The following TTBK1 variants were observed in gnomAD, a reference collection of about 807,000 sequenced individuals.
TTBK1 encodes tau-tubulin kinase 1.
A neutral mutation model predicts 108.5 loss-of-function variants in TTBK1; 34 were observed. The ratio of observed to expected loss-of-function variants is 0.31; its 90% CI spans 0.24 to 0.42. The LOEUF (loss-of-function observed/expected upper bound fraction) is 0.42. Among genes scored for constraint, TTBK1 ranks in the 10% least tolerant of loss-of-function variants. TTBK1 has a pLI of 1.00. For synonymous variants in TTBK1, 809 were observed against 795.1 expected, an observed-to-expected ratio of 1.02 and a Z score of -0.29; for missense variants, 1,539 against 1,826.0, an observed-to-expected ratio of 0.84 and a Z score of 2.86.
At position 43,287,586 on chromosome 6, in the gene TTBK1, G is replaced by A. The variant is rs1449924309; in HGVS notation, c.*2210G>A. ...CTCCCAACTGACCTCAGGCCTCTGA[G>A]TCACTGAATGTCACCAGGAGAGGTG... is the stretch of plus-strand genomic sequence containing the variant. On this transcript the variant is annotated 3_prime_UTR_variant, in exon 15 of 15. Coordinates refer to ENST00000259750, the MANE Select transcript of TTBK1 (RefSeq NM_032538.3). The surrounding 1 kb of genome is among the most constrained non-coding windows in gnomAD (Gnocchi z 4.1). The A allele has an allele frequency of 6.6e-6, 1 of 152,206 alleles. No individual in the cohort carries two copies. The highest frequency in any genetic ancestry group is 1.5e-5 in the Non-Finnish European group (1 of 68,084). 9.4% of individuals were successfully genotyped at this position (152,206 alleles called of 1,614,324 possible). A position where few individuals can be genotyped will look rare whatever the true frequency, so the allele number is the denominator to read the frequency against.
rs1320219547 is a variant in TTBK1, at chr6:43,259,109, A to G, written c.1088A>G (p.His363Arg). 6.2e-7 allele frequency: 1 copy of G among 1,613,950 alleles called. No homozygotes were observed. The highest frequency in any genetic ancestry group is 8.5e-7 in the Non-Finnish European group (1 of 1,179,976). ...ACCGAGGATGTGCTACAGGGAGAGCACCTGAGTGACCAGGAGAATGCACCC... is the reference window on the plus strand; with the variant it reads ...ACCGAGGATGTGCTACAGGGAGAGCGCCTGAGTGACCAGGAGAATGCACCC... ...ENTEDVLQGE[H>R]LSDQENAPPI... Residue 363 changes from histidine (H) to arginine (R), a missense_variant, in exon 11 of 15, where the codon CAC becomes CGC. Physicochemically the swap from His to Arg is conservative, Grantham distance 29. Around this residue, in one of 5 missense-constraint regions of TTBK1, gnomAD observed 277 missense variants for 332.4 expected, o/e 0.83. Transcript: ENST00000259750. The surrounding 1 kb of genome is among the most constrained non-coding windows in gnomAD (Gnocchi z 6.7).
rs1777367524 is a variant in TTBK1 at position 43,255,875 on chromosome 6, G to C, written c.861+19G>C. On this transcript the variant is annotated intron_variant, in intron 9 of 14. Transcript: ENST00000259750. Reference sequence around the variant, plus strand: ...CTACCAGGTGGGAGCCTGCTACCCTGCCCCCGCTCCCTCGACACCACTCTG... The same window carrying C: ...CTACCAGGTGGGAGCCTGCTACCCTCCCCCCGCTCCCTCGACACCACTCTG... 1.2e-6 allele frequency: 2 copies of C among 1,613,774 alleles called. No homozygotes were observed. Among genetic ancestry groups the C allele is most frequent in the Admixed American group, 1.7e-5 (1 of 59,978 alleles).
chr6:43,277,396 G>A (rs999509711), intron 13 of TTBK1, among the ~76,000 whole-genome samples: 2 of 152,064 alleles, frequency 1.3e-5, no homozygotes, highest in Admixed American at 1.3e-4. Context: ...GAAAGGTGAG[G>A]AGGACAATGT....
At position 43,243,997 on chromosome 6, in the gene TTBK1, T is replaced by C. The variant is rs1306279618; in HGVS notation, c.-55+289T>C. ...CATGGCTTCACCCCTGGCTCTCCTG[T>C]CATCCCTGACGAATCATTCGGCTGT... On this transcript the variant is annotated intron_variant, in intron 1 of 14. Transcript: ENST00000259750. This position sits in a 1 kb window ranked among gnomAD's most constrained non-coding sequence, Gnocchi z 5.5. Among the ~76,000 whole-genome samples the C allele has an allele frequency of 6.6e-6, 1 of 152,020 alleles. No individual in the cohort carries two copies. Among genetic ancestry groups the C allele is most frequent in the Non-Finnish European group, 1.5e-5 (1 of 67,958 alleles).
chr6:43,255,095 T>C lies in TTBK1; in HGVS notation c.623T>C (p.Val208Ala). The part of the protein sequence containing the change: ...GFRGTVRYAS[V>A]NAHKNREMGR... ...CGAGGAACGGTTCGCTATGCCTCAG[T>C]CAATGCCCACAAGAACCGGGTGAGT... Residue 208 changes from valine (V) to alanine (A), a missense_variant, in exon 7 of 15, where the codon GTC (valine) becomes GCC (alanine). Val to Ala is a moderately conservative substitution (Grantham distance 64). Coordinates refer to ENST00000259750, the MANE Select transcript of TTBK1 (RefSeq NM_032538.3). 6.2e-7 allele frequency: 1 copy of C among 1,609,852 alleles called. No homozygotes were observed. Among genetic ancestry groups the C allele is most frequent in the African/African-American group, 1.4e-5 (1 of 74,042 alleles).
intron 2 of TTBK1, 131 bp downstream of exon 2, chr6:43,246,899 T>C (rs1777104681): frequency 1.6e-6 from 1 of 629,680 alleles, no homozygotes; most frequent in Admixed American, 3.3e-5. Context: ...ATTTGCATAC[T>C]GCTTGCATGT....
In TTBK1 at chr6:43,286,084, G is replaced by C. The variant is rs1235555399; in HGVS notation, c.*708G>C. ...GCAGTGGGCAAGTGATCTTGGAGATGGGTGGGCAGGTGATTCTGTGGGCAG... is the reference window on the plus strand; with the variant it reads ...GCAGTGGGCAAGTGATCTTGGAGATCGGTGGGCAGGTGATTCTGTGGGCAG... On this transcript the variant is annotated 3_prime_UTR_variant, in exon 15 of 15. Coordinates refer to ENST00000259750, the MANE Select transcript of TTBK1 (RefSeq NM_032538.3). The surrounding 1 kb of genome is among the most constrained non-coding windows in gnomAD (Gnocchi z 4.6). 6.5e-6 allele frequency: 1 copy of C among 152,832 alleles called. No individual in the cohort carries two copies. Among genetic ancestry groups the C allele is most frequent in the Admixed American group, 6.5e-5 (1 of 15,284 alleles). 9.5% of individuals were successfully genotyped at this position (152,832 alleles called of 1,614,324 possible). A position where few individuals can be genotyped will look rare whatever the true frequency, so the allele number is the denominator to read the frequency against.
At chr6:43,270,078 C>G in intron 13 of TTBK1, 3 of 1,410,412 alleles carry the variant, frequency 2.1e-6, no homozygotes, top group Non-Finnish European at 2.8e-6. Flanking sequence ...TCATGCAATA[C>G]AGCCCCCCTA....
At chr6:43,272,734 C>T in intron 13 of TTBK1, 1 of 960,132 alleles carries the variant, frequency 1.0e-6, no homozygotes, top group Non-Finnish European at 1.2e-6. Context: ...CTCGGCAGAG[C>T]TTCACATGGT....
chr6:43,252,785 T>A lies in TTBK1; in HGVS notation c.155T>A (p.Met52Lys), dbSNP rs1264247234. ...GGCTTTGGTGAGATCTACGAGGCCATGGACCTGCTGACCAGGGAGAATGTG... is the reference window on the plus strand; with the variant it reads ...GGCTTTGGTGAGATCTACGAGGCCAAGGACCTGCTGACCAGGGAGAATGTG... ...GGGFGEIYEAMDLLTRENVAL... is the reference protein window; with the variant it reads ...GGGFGEIYEAKDLLTRENVAL... Residue 52 changes from methionine to lysine, a missense_variant, in exon 3 of 15, where the codon ATG becomes AAG. Met to Lys is a moderately conservative substitution (Grantham distance 95, BLOSUM62 -1). Transcript: ENST00000259750. 1 of 1,613,842 alleles carries A rather than the reference T, an allele frequency of 6.2e-7. No individual in the cohort carries two copies. The highest frequency in any genetic ancestry group is 1.3e-5 in the African/African-American group (1 of 74,894).
intron 7 of TTBK1, 83 bp downstream of exon 7, chr6:43,255,197 G>GGGGGC: frequency 3.1e-6 from 2 of 638,344 alleles, no homozygotes; most frequent in East Asian, 7.1e-5. Context: ...GAGGGGTGGG[G>GGGGGC]AGAGGAGAGT....
intron 13 of TTBK1, chr6:43,270,223 G>T: frequency 7.9e-7 from 1 of 1,272,788 alleles, no homozygotes; most frequent in Non-Finnish European, 9.9e-7. Context: ...TTCCAGGACA[G>T]GGCAGGGGCG....
In TTBK1 at chr6:43,284,588, A is replaced by C. The variant is rs561102069; in HGVS notation, c.3572+276A>C. Among the ~76,000 whole-genome samples, 133 of 152,346 alleles carry C rather than the reference A, an allele frequency of 8.7e-4. 1 individual carries two copies. The highest frequency in any genetic ancestry group is 3.4e-3 in the Middle Eastern group (1 of 294). ...AGCTGATGGGGGCCAGTGGGTCCAC[A>C]CACAGCCTCTGGTATGCCATGGGGC... On this transcript the variant is annotated intron_variant, in intron 14 of 14. Coordinates refer to ENST00000259750, the MANE Select transcript of TTBK1 (RefSeq NM_032538.3).
chr6:43,284,032 C>T lies in TTBK1; in HGVS notation c.3292C>T (p.Gln1098Ter). Residue 1098 changes from glutamine (Q) to a stop codon, truncating the protein, a stop_gained, in exon 14 of 15, where the codon CAG (glutamine) becomes TAG (stop). Transcript: ENST00000259750. LOFTEE classifies it high-confidence loss of function. Reference sequence around the variant, plus strand: ...GGCGCGGCTGGTGATGGAGAAGAGGCAGGGCCGCCTGCTGTTGCGGCTGGC... The same window carrying T: ...GGCGCGGCTGGTGATGGAGAAGAGGTAGGGCCGCCTGCTGTTGCGGCTGGC... ...DLARLVMEKR[Q>*]GRLLLRLASG... The T allele has an allele frequency of 6.4e-7, 1 of 1,561,724 alleles. No individual in the cohort carries two copies. The highest frequency in any genetic ancestry group is 1.7e-4 in the Middle Eastern group (1 of 5,810).
At chr6:43,270,487 C>A in intron 13 of TTBK1, 3 of 984,704 alleles carry the variant, frequency 3.0e-6, no homozygotes, top group Non-Finnish European at 3.6e-6. Context: ...GCCAGGACAG[C>A]CAGGTTTGGA....
intron 13 of TTBK1, among the ~76,000 whole-genome samples, chr6:43,274,113 G>C (rs1052388781): frequency 6.6e-6 from 1 of 152,170 alleles, no homozygotes; most frequent in Non-Finnish European, 1.5e-5. Context: ...CCCTGGGTCC[G>C]TGACAAATGC....
At chr6:43,256,273 C>G (rs1777378669) in intron 9 of TTBK1, among the ~76,000 whole-genome samples, 1 of 152,000 alleles carries the variant, frequency 6.6e-6, no homozygotes, top group Non-Finnish European at 1.5e-5. Flanking sequence ...GTAGCTGGGA[C>G]TACAGGCACG....
rs536899331 is a variant in TTBK1 at position 43,248,417 on chromosome 6, G to T, written c.108+1649G>T. ...AAAAAGGGGGTCAGTGGCACTAGAT[G>T]TGGCATTTAAAAATAAATACGTGGA... On this transcript the variant is annotated intron_variant, in intron 2 of 14. Coordinates refer to ENST00000259750, the MANE Select transcript of TTBK1 (RefSeq NM_032538.3). Among the ~76,000 whole-genome samples, 13 of 152,208 alleles carry T rather than the reference G, an allele frequency of 8.5e-5. No individual in the cohort carries two copies. In the South Asian group the frequency reaches 2.5e-3, roughly 29 times the overall value.
In TTBK1 at chr6:43,282,675, G is replaced by A; in HGVS notation, c.1987-52G>A. 2 of 1,486,434 alleles carry A rather than the reference G, an allele frequency of 1.3e-6. No individual in the cohort carries two copies. The highest frequency in any genetic ancestry group is 1.8e-6 in the Non-Finnish European group (2 of 1,095,736). The allele number at this position is 1,486,434 out of a possible 1,614,324, so 92.1% of individuals were successfully genotyped here. On this transcript the variant is annotated intron_variant, in intron 13 of 14. Coordinates refer to ENST00000259750, the MANE Select transcript of TTBK1 (RefSeq NM_032538.3). The surrounding 1 kb of genome is among the most constrained non-coding windows in gnomAD (Gnocchi z 5.4). ...TTGTGGGTGCAGCTGAAGTCTTCCTGGGCCCAGGAGGGTGGGTGACCTCAG... is the reference window on the plus strand; with the variant it reads ...TTGTGGGTGCAGCTGAAGTCTTCCTAGGCCCAGGAGGGTGGGTGACCTCAG...
Sources: allele counts gnomAD v4.1 joint callset (sites outside exome capture counted in the v4.1 genomes callset), GRCh38; gene constraint gnomAD v4.1.1; regional missense constraint gnomAD v4.1.1; non-coding constraint Gnocchi (gnomAD v3.1); transcripts MANE v1.5; gene names NCBI Gene and HGNC (gene_info 2026-07-23, HGNC 2026-07-21).